CDC42BPA: variants seen among roughly 807,000 people sequenced by gnomAD.
CDC42BPA encodes the protein CDC42 binding protein kinase alpha, also known as serine/threonine-protein kinase MRCK alpha.
In CDC42BPA, 80 loss-of-function variants were observed where a neutral mutation model predicts 223.5. The observed-to-expected ratio is 0.36, with a 90% CI of 0.30 to 0.43. The LOEUF is 0.43. Ranked by LOEUF, CDC42BPA falls within the 20% of genes least tolerant of loss-of-function variation. CDC42BPA has a pLI of 1.00. For missense variants in CDC42BPA, 1,743 were observed against 2,099.9 expected (o/e 0.83, Z 3.32); for synonymous variants, 694 against 718.6 (o/e 0.97, Z 0.55).
At chr1:227,284,715 T>A (rs1394559405) in intron 1 of CDC42BPA, among the ~76,000 whole-genome samples, 1 of 152,086 alleles carries the variant, frequency 6.6e-6, no homozygotes, top group Non-Finnish European at 1.5e-5. Flanking sequence ...AATCCCAGCA[T>A]GTTGGGAGGC....
At chr1:227,072,651 T>C (rs1376833245) in intron 19 of CDC42BPA, among the ~76,000 whole-genome samples, 3 of 152,010 alleles carry the variant, frequency 2.0e-5, no homozygotes. Flanking sequence ...AATTTAAAAA[T>C]GTTACAAAAT....
chr1:227,171,968 T>C (rs1412081077), intron 5 of CDC42BPA, among the ~76,000 whole-genome samples: 2 of 152,154 alleles, frequency 1.3e-5, no homozygotes, highest in Non-Finnish European at 2.9e-5. Flanking sequence ...TTCCTTTTTA[T>C]CATTTATATA....
intron 34 of CDC42BPA, among the ~76,000 whole-genome samples, chr1:227,009,457 G>A (rs1188517230): frequency 6.6e-6 from 1 of 152,114 alleles, no homozygotes; most frequent in Non-Finnish European, 1.5e-5. Flanking sequence ...CACCTAAGCT[G>A]GAGTGCAGTG....
At chr1:227,285,900 G>C (rs1450927317) in intron 1 of CDC42BPA, among the ~76,000 whole-genome samples, 3 of 152,154 alleles carry the variant, frequency 2.0e-5, no homozygotes, top group Non-Finnish European at 2.9e-5. Context: ...GCTGGAGTCA[G>C]AGAGAAGAAC....
chr1:227,281,115 A>T (rs1049640084), intron 1 of CDC42BPA, among the ~76,000 whole-genome samples: 3 of 152,248 alleles, frequency 2.0e-5, no homozygotes, highest in African/African-American at 7.2e-5. Flanking sequence ...GTGAATGTGG[A>T]GAATACTGAG....
chr1:227,265,807 A>C (rs987146923), intron 1 of CDC42BPA, among the ~76,000 whole-genome samples: 4 of 152,150 alleles, frequency 2.6e-5, no homozygotes, highest in Admixed American at 2.6e-4. Context: ...TTTTCTTCTA[A>C]GGAATGTATT....
At chr1:227,105,632 T>A (rs1436567759) in intron 14 of CDC42BPA, among the ~76,000 whole-genome samples, 4 of 152,004 alleles carry the variant, frequency 2.6e-5, no homozygotes, top group African/African-American at 9.7e-5. Context: ...GGGATTACAG[T>A]CATGAGCCAC....
At chr1:227,023,500 T>G (rs145109948) in intron 31 of CDC42BPA, among the ~76,000 whole-genome samples, 153 bp from the exon 32 acceptor site, 2 of 152,312 alleles carry the variant, frequency 1.3e-5, no homozygotes, top group Non-Finnish European at 2.9e-5. Flanking sequence ...TAATTCTGAC[T>G]GGAAAGGTAT....
At chr1:227,006,525 C>CA (rs1342312051) in intron 34 of CDC42BPA, among the ~76,000 whole-genome samples, 4 of 152,166 alleles carry the variant, frequency 2.6e-5, no homozygotes, top group Non-Finnish European at 5.9e-5. Context: ...ATTACACTAG[C>CA]AAAAAGCAAG....
At chr1:227,199,142 A>C (rs1298014297) in intron 4 of CDC42BPA, among the ~76,000 whole-genome samples, 1 of 152,248 alleles carries the variant, frequency 6.6e-6, no homozygotes, top group Non-Finnish European at 1.5e-5. Context: ...AGTTAGAATG[A>C]GATGAGAAAG....
chr1:227,174,934 G>T (rs563901167), intron 5 of CDC42BPA, among the ~76,000 whole-genome samples: 1 of 152,252 alleles, frequency 6.6e-6, no homozygotes, highest in East Asian at 1.9e-4. Flanking sequence ...TCAAGCATAT[G>T]ACTCGACTTC....
chr1:227,210,073 G>T (rs1044153478), intron 3 of CDC42BPA, among the ~76,000 whole-genome samples: 4 of 152,048 alleles, frequency 2.6e-5, no homozygotes, highest in Admixed American at 1.3e-4. Flanking sequence ...ACTTCTTCCT[G>T]GTTTAGTCTT....
intron 7 of CDC42BPA, among the ~76,000 whole-genome samples, chr1:227,147,109 C>G (rs1336675326): frequency 1.3e-5 from 2 of 152,026 alleles, no homozygotes; most frequent in Non-Finnish European, 2.9e-5. Flanking sequence ...TCTCTACTTA[C>G]GACCTTTGTT....
intron 20 of CDC42BPA, among the ~76,000 whole-genome samples, chr1:227,070,869 T>C (rs529601510): frequency 2.0e-5 from 3 of 151,864 alleles, no homozygotes; most frequent in Non-Finnish European, 4.4e-5. Flanking sequence ...TTTAGGTCTA[T>C]TCTAAAAATG....
intron 23 of CDC42BPA, 115 bp from the exon 24 acceptor site, chr1:227,040,351 T>A: frequency 1.6e-6 from 1 of 642,342 alleles, no homozygotes; most frequent in Non-Finnish European, 2.7e-6. Flanking sequence ...TAGAATGAAT[T>A]ATTTCCATTT....
intron 15 of CDC42BPA, among the ~76,000 whole-genome samples, chr1:227,098,664 A>G (rs1476150671): frequency 6.6e-6 from 1 of 151,590 alleles, no homozygotes; most frequent in Non-Finnish European, 1.5e-5. Context: ...TGCTATCTTT[A>G]CCTTTAAAGA....
rs60156840 is a variant in CDC42BPA, at chr1:227,258,176, G to GAA, written c.179-4023_179-4022dup. On this transcript the variant is annotated intron_variant, in intron 1 of 36. Transcript: ENST00000366766. ...GGCAACAGGGTGAAACCCTGTCCGG[G>GAA]AAAAAAAAAAAAAAAAAAGAACTGA... Among the ~76,000 whole-genome samples, 149 of 108,092 alleles carry GAA rather than the reference G, an allele frequency of 1.4e-3. 4 individuals are homozygous for GAA. The highest frequency in any genetic ancestry group is 4.7e-3 in the African/African-American group (126 of 26,810). The allele number at this position is 108,092 out of a possible 152,430, so 70.9% of individuals were successfully genotyped here.
At chr1:227,109,049 A>G (rs1445774485) in intron 14 of CDC42BPA, among the ~76,000 whole-genome samples, 1 of 152,170 alleles carries the variant, frequency 6.6e-6, no homozygotes, top group Non-Finnish European at 1.5e-5. Context: ...GCATATAAAT[A>G]TGGTATAAAA....
At position 227,265,064 on chromosome 1, in the gene CDC42BPA, T is replaced by C. The variant is rs1311309792; in HGVS notation, c.179-10909A>G. Reference sequence around the variant, plus strand: ...CTTCATGGACGCAGCAGGAAAAAAATCCTGCATTGCATTGTATCCAAGGTA... The same window carrying C: ...CTTCATGGACGCAGCAGGAAAAAAACCCTGCATTGCATTGTATCCAAGGTA... On this transcript the variant is annotated intron_variant, in intron 1 of 36. Transcript: ENST00000366766. The C allele has an allele frequency of 4.5e-5, 35 of 777,180 alleles. No individual in the cohort carries two copies. The Admixed American group carries it at 6.0e-4, about 13-fold the overall frequency. The allele number at this position is 777,180 out of a possible 1,614,324, so 48.1% of individuals were successfully genotyped here. A position where few individuals can be genotyped will look rare whatever the true frequency, so the allele number is the denominator to read the frequency against.
Sources: gnomAD v4.1 joint callset for allele counts (sites outside exome capture counted in the v4.1 genomes callset) on GRCh38, gnomAD v4.1.1 for gene constraint, MANE v1.5 for transcripts, NCBI Gene and HGNC (gene_info 2026-07-23, HGNC 2026-07-21) for gene names.